Variants in SLC14A1 observed in about 807,000 individuals in gnomAD.
SLC14A1 encodes solute carrier family 14 member 1 (Kidd blood group).
Under a neutral mutation model 39.6 loss-of-function variants are expected in SLC14A1, and 36 were observed. The ratio of observed to expected loss-of-function variants is 0.91; its 90% CI spans 0.70 to 1.20. The LOEUF is 1.20. Among genes scored for constraint, SLC14A1 ranks in the 50% most tolerant of loss-of-function variants. The probability of loss-of-function intolerance (pLI) is 0.00; values close to 1 mark genes in which losing one functional copy is unlikely to be tolerated. For missense variants in SLC14A1, 469 were observed against 478.7 expected (o/e 0.98, Z 0.19); for synonymous variants, 164 against 173.6 (o/e 0.94, Z 0.43).
intron 8 of SLC14A1, among the ~76,000 whole-genome samples, chr18:45,744,859 CTTCAGTTCAGCTGATTGGCCCGATCA>C (rs1212576121): frequency 6.6e-6 from 1 of 152,140 alleles, no homozygotes; most frequent in Non-Finnish European, 1.5e-5. Context: ...TCCTGAGGCC[CTTCAGTTCAGCTGATTGGCCCGATCA>C]TTCTTTGGCT....
intron 2 of SLC14A1, chr18:45,727,356 G>A: frequency 6.4e-7 from 1 of 1,551,608 alleles, no homozygotes; most frequent in Non-Finnish European, 8.7e-7. Flanking sequence ...TAAAGCTGGT[G>A]ACGCAGCGCG....
chr18:45,737,454 A>G (rs897820343), intron 6 of SLC14A1: 1 of 152,238 alleles, frequency 6.6e-6, no homozygotes, highest in African/African-American at 2.4e-5. Context: ...AAGAAAACCA[A>G]AGAAACCTTA....
intron 2 of SLC14A1, among the ~76,000 whole-genome samples, chr18:45,728,368 T>A (rs182845029): frequency 6.6e-6 from 1 of 152,244 alleles, no homozygotes; most frequent in Admixed American, 6.5e-5. Context: ...GCTTTGGGAG[T>A]TGATGGAAAA....
chr18:45,726,470 T>A (rs2046866120), intron 2 of SLC14A1, among the ~76,000 whole-genome samples: 1 of 152,218 alleles, frequency 6.6e-6, no homozygotes. Context: ...AACTAAAAAC[T>A]GTTTATTATT....
At chr18:45,725,607 T>A (rs2144725831) in intron 2 of SLC14A1, among the ~76,000 whole-genome samples, 1 of 152,318 alleles carries the variant, frequency 6.6e-6, no homozygotes, top group Non-Finnish European at 1.5e-5. Context: ...CTCTGCATAC[T>A]CCAGCACACA....
chr18:45,750,231 C>T lies in SLC14A1; in HGVS notation c.*280C>T. Reference sequence around the variant, plus strand: ...GAATGTATATAAAGTCAAAGTGCTCCAACAGAAGGAGGAAGTGAAAACAAA... The same window carrying T: ...GAATGTATATAAAGTCAAAGTGCTCTAACAGAAGGAGGAAGTGAAAACAAA... On this transcript the variant is annotated 3_prime_UTR_variant, in exon 10 of 10. Transcript: ENST00000321925. 4 of 1,353,470 alleles carry T rather than the reference C, an allele frequency of 3.0e-6. No homozygotes were observed. In the South Asian group the frequency reaches 6.4e-5, roughly 22 times the overall value. The allele number at this position is 1,353,470 out of a possible 1,614,324, so 83.8% of individuals were successfully genotyped here. A position where few individuals can be genotyped will look rare whatever the true frequency, so the allele number is the denominator to read the frequency against.
chr18:45,739,430 T>A, intron 7 of SLC14A1, 98 bp from the exon 8 acceptor site: 5 of 1,605,670 alleles, frequency 3.1e-6, no homozygotes, highest in Non-Finnish European at 3.4e-6. Context: ...CAATGGGAGT[T>A]CCCGGGATGC....
chr18:45,738,729 T>A (rs9955503), intron 6 of SLC14A1, among the ~76,000 whole-genome samples: 70,474 of 151,996 alleles, frequency 0.46, 16,524 homozygotes, highest in South Asian at 0.57. Context: ...AACATAGGGA[T>A]GCATGGATAG....
At chr18:45,735,678 G>A in intron 5 of SLC14A1, among the ~76,000 whole-genome samples, 1 of 152,188 alleles carries the variant, frequency 6.6e-6, no homozygotes, top group Non-Finnish European at 1.5e-5. Flanking sequence ...TACCTGTAGA[G>A]CTAAACTCTT....
At chr18:45,741,092 C>G (rs147478360) in intron 8 of SLC14A1, 5 of 152,432 alleles carry the variant, frequency 3.3e-5, no homozygotes, top group Non-Finnish European at 7.3e-5. Flanking sequence ...GGAACCCACA[C>G]TTACCATCCA....
intron 2 of SLC14A1, chr18:45,726,726 TG>T (rs1176023274): frequency 2.0e-5 from 3 of 152,534 alleles, no homozygotes; most frequent in Non-Finnish European, 4.4e-5. Context: ...AGCTTGTGAA[TG>T]CTTACAAAGC....
rs2046804926 is a variant in SLC14A1, at chr18:45,724,278, G to C, written c.-86+5G>C. 1 of 152,244 alleles carries C rather than the reference G, an allele frequency of 6.6e-6. No homozygotes were observed. The highest frequency in any genetic ancestry group is 1.5e-5 in the Non-Finnish European group (1 of 68,050). 9.4% of individuals were successfully genotyped at this position (152,244 alleles called of 1,614,324 possible). Reference sequence around the variant, plus strand: ...CAGGAAGCCAGCTAGAGTGGTGTAAGTACTCATCCTTATTTCTATTCATTT... The same window carrying C: ...CAGGAAGCCAGCTAGAGTGGTGTAACTACTCATCCTTATTTCTATTCATTT... On this transcript the variant is annotated splice_donor_5th_base_variant and intron_variant, in intron 1 of 9. Transcript: ENST00000321925.
intron 4 of SLC14A1, among the ~76,000 whole-genome samples, chr18:45,733,877 G>A (rs534527248): frequency 6.6e-6 from 1 of 152,304 alleles, no homozygotes; most frequent in East Asian, 1.9e-4. Flanking sequence ...CTTCTCATAA[G>A]AGTGCGAACC....
At chr18:45,738,384 A>G (rs575841093) in intron 6 of SLC14A1, among the ~76,000 whole-genome samples, 2 of 152,354 alleles carry the variant, frequency 1.3e-5, no homozygotes, top group South Asian at 4.1e-4. Context: ...GTTCAGCTGT[A>G]AAGAATGATC....
rs2047663429 is a variant in SLC14A1 at position 45,749,884 on chromosome 18, C to T, written c.1103C>T (p.Thr368Ile). 1.2e-6 allele frequency: 2 copies of T among 1,614,052 alleles called. No individual in the cohort carries two copies. The highest frequency in any genetic ancestry group is 1.7e-6 in the Non-Finnish European group (2 of 1,180,036). ...NIYKMPLSKV[T>I]YPEENRIFYL... ...TACAAGATGCCCCTCAGTAAAGTTACTTATCCTGAAGAAAACCGCATCTTC... is the reference window on the plus strand; with the variant it reads ...TACAAGATGCCCCTCAGTAAAGTTATTTATCCTGAAGAAAACCGCATCTTC... Residue 368 changes from threonine (T) to isoleucine (I), a missense_variant, in exon 10 of 10, where the codon ACT (threonine) becomes ATT (isoleucine). By Grantham distance (89) the Thr-to-Ile change is moderately conservative. Coordinates refer to ENST00000321925, the MANE Select transcript of SLC14A1 (RefSeq NM_015865.7).
At chr18:45,744,547 T>A (rs938161193) in intron 8 of SLC14A1, among the ~76,000 whole-genome samples, 1 of 152,200 alleles carries the variant, frequency 6.6e-6, no homozygotes. Context: ...TTGTTAAAAT[T>A]GATTTTATTT....
At position 45,750,399 on chromosome 18, in the gene SLC14A1, G is replaced by T; in HGVS notation, c.*448G>T. 1 of 1,071,878 alleles carries T rather than the reference G, an allele frequency of 9.3e-7. No homozygotes were observed. The highest frequency in any genetic ancestry group is 1.1e-6 in the Non-Finnish European group (1 of 882,790). 66.4% of individuals were successfully genotyped at this position (1,071,878 alleles called of 1,614,324 possible). On this transcript the variant is annotated 3_prime_UTR_variant, in exon 10 of 10. Coordinates refer to ENST00000321925, the MANE Select transcript of SLC14A1 (RefSeq NM_015865.7). ...TTAATCCAGAATTCTGTGATAAGCA[G>T]CTTGGCTTTTTTTTTAAATCAATGC...
intron 3 of SLC14A1, 69 bp from the exon 4 acceptor site, chr18:45,730,946 G>A: frequency 7.2e-7 from 1 of 1,395,292 alleles, no homozygotes. Flanking sequence ...ATTTTGCTCA[G>A]GGTGGGCCTG....
At chr18:45,727,990 G>A (rs944499546) in intron 2 of SLC14A1, among the ~76,000 whole-genome samples, 3 of 152,112 alleles carry the variant, frequency 2.0e-5, no homozygotes, top group Non-Finnish European at 2.9e-5. Flanking sequence ...TGGTTCCTGG[G>A]GACTCTAAAA....
Sources: gnomAD v4.1 joint callset for allele counts (sites outside exome capture counted in the v4.1 genomes callset) on GRCh38, gnomAD v4.1.1 for gene constraint, MANE v1.5 for transcripts, NCBI Gene and HGNC (gene_info 2026-07-23, HGNC 2026-07-21) for gene names.